CILP: variants seen among roughly 807,000 people sequenced by gnomAD.
The protein encoded by CILP is cartilage intermediate layer protein 1.
Under a neutral mutation model 82.5 loss-of-function variants are expected in CILP, and 75 were observed. The ratio of observed to expected loss-of-function variants is 0.91; its 90% confidence interval spans 0.75 to 1.10. CILP has a LOEUF of 1.10. Ranked by LOEUF, CILP falls within the 50% of genes least tolerant of loss-of-function variation. CILP has a pLI of 0.00. For synonymous variants in CILP, 530 were observed against 580.3 expected (o/e 0.91, Z 1.25); for missense variants, 1,479 against 1,530.8 (o/e 0.97, Z 0.56).
At chr15:65,207,617 G>C in intron 3 of CILP, 55 bp downstream of exon 3, 1 of 1,496,678 alleles carries the variant, frequency 6.7e-7, no homozygotes, top group Non-Finnish European at 9.3e-7. Flanking sequence ...GATCCACTTC[G>C]GAAGCTCGTT....
At chr15:65,208,526 A>G (rs1428834348) in intron 2 of CILP, among the ~76,000 whole-genome samples, 1 of 152,212 alleles carries the variant, frequency 6.6e-6, no homozygotes, top group Non-Finnish European at 1.5e-5. Context: ...ATAGATGGCC[A>G]TTTACTTTCC....
rs760862881 is a variant in CILP at position 65,196,696 on chromosome 15, A to C, written c.*35T>G. On this transcript the variant is annotated 3_prime_UTR_variant, in exon 9 of 9. Transcript: ENST00000261883. ...TCAGTCTCACAATGGCTGTCACATG[A>C]AATGAGGGCAGAAGAGGGTGAAGTA... 2.0e-6 allele frequency: 3 copies of C among 1,483,598 alleles called. No homozygotes were observed. The Admixed American group carries it at 7.0e-5, about 35-fold the overall frequency. 91.9% of individuals were successfully genotyped at this position (1,483,598 alleles called of 1,614,324 possible). A position where few individuals can be genotyped will look rare whatever the true frequency, so the allele number is the denominator to read the frequency against.
intron 1 of CILP, among the ~76,000 whole-genome samples, chr15:65,211,109 C>T (rs775390363): frequency 3.3e-5 from 5 of 152,204 alleles, no homozygotes; most frequent in Non-Finnish European, 5.9e-5. Flanking sequence ...TGCCATCCCA[C>T]GCTCCTCAGA....
chr15:65,203,375 C>T lies in CILP; in HGVS notation c.1015G>A (p.Asp339Asn), dbSNP rs141889573. The T allele has an allele frequency of 1.3e-4, 203 of 1,613,336 alleles. No individual in the cohort carries two copies. The highest frequency in any genetic ancestry group is 1.7e-4 in the Middle Eastern group (1 of 5,754). Residue 339 changes from aspartate (D) to asparagine (N), a missense_variant, in exon 7 of 9, where the codon GAC becomes AAC. Physicochemically the swap from Asp to Asn is conservative, Grantham distance 23 (BLOSUM62 1). Coordinates refer to ENST00000261883, the MANE Select transcript of CILP (RefSeq NM_003613.4). ...CAGAATACGCACCAAAAATACTTGT[C>T]TGGCCTGGGCTTCCCTGTGGCCTTA... is the stretch of plus-strand genomic sequence containing the variant. ...CCKATGKPRP[D>N]KYFWYHNDTL...
Position 65,198,666 on chromosome 15 carries a change from T to A in CILP, c.1620A>T (p.Thr540=). 1 of 1,614,234 alleles carries A rather than the reference T, an allele frequency of 6.2e-7. No individual in the cohort carries two copies. Among genetic ancestry groups the A allele is most frequent in the Non-Finnish European group, 8.5e-7 (1 of 1,180,044 alleles). ...VPQDTERLVL[T]FVDRLQKFVN... Reference sequence around the variant, plus strand: ...CAAACTTCTGCAGCCTGTCCACAAATGTGAGCACCAGCCTCTCAGTGTCCT... The same window carrying A: ...CAAACTTCTGCAGCCTGTCCACAAAAGTGAGCACCAGCCTCTCAGTGTCCT... The change falls in exon 9 of 9, where the codon ACA becomes ACT. Residue 540 remains threonine, a synonymous_variant. Coordinates refer to ENST00000261883, the MANE Select transcript of CILP (RefSeq NM_003613.4).
chr15:65,197,945 C>T lies in CILP; in HGVS notation c.2341G>A (p.Glu781Lys). The T allele has an allele frequency of 6.2e-7, 1 of 1,614,100 alleles. No homozygotes were observed. Reference sequence around the variant, plus strand: ...TTGGACAAGAAGCCAGTTCTAGGCTCCAGGTTAATCACGGAGATCACAACC... The same window carrying T: ...TTGGACAAGAAGCCAGTTCTAGGCTTCAGGTTAATCACGGAGATCACAACC... ...QGVVISVINL[E>K]PRTGFLSNPR... Residue 781 changes from glutamate (E) to lysine (K), a missense_variant, in exon 9 of 9, where the codon GAG becomes AAG. Transcript: ENST00000261883.
intron 6 of CILP, among the ~76,000 whole-genome samples, chr15:65,203,850 A>G (rs183575130): frequency 2.0e-5 from 3 of 152,336 alleles, no homozygotes; most frequent in Admixed American, 1.3e-4. Flanking sequence ...TGAACTTCCC[A>G]AGCCTTTCTC....
chr15:65,200,129 G>A (rs1444916057), intron 8 of CILP, among the ~76,000 whole-genome samples: 5 of 152,120 alleles, frequency 3.3e-5, no homozygotes, highest in African/African-American at 4.8e-5. Flanking sequence ...ATGTGCCAAA[G>A]CATTTAGATA....
At position 65,206,580 on chromosome 15, in the gene CILP, A is replaced by G. The variant is rs78339649; in HGVS notation, c.424+202T>C. On this transcript the variant is annotated intron_variant, in intron 4 of 8. Coordinates refer to ENST00000261883, the MANE Select transcript of CILP (RefSeq NM_003613.4). ...CATAAACACAAAACACTATTGGAAA[A>G]GTTCTGGCATTAATGACACTACTTG... Among the ~76,000 whole-genome samples, 1,032 of 152,320 alleles carry G rather than the reference A, an allele frequency of 6.8e-3. 6 individuals are homozygous for G. The highest frequency in any genetic ancestry group is 0.011 in the East Asian group (58 of 5,180).
chr15:65,208,825 A>G (rs1462826692), intron 2 of CILP, among the ~76,000 whole-genome samples: 1 of 152,040 alleles, frequency 6.6e-6, no homozygotes, highest in Non-Finnish European at 1.5e-5. Context: ...CTTTTAATCA[A>G]CCTAATCTGA....
At position 65,197,881 on chromosome 15, in the gene CILP, C is replaced by A; in HGVS notation, c.2405G>T (p.Gly802Val). ...AWGRFDSVIT[G>V]PNGACVPAFC... is the part of the protein sequence containing the mutation. ...GGCAGGCACACAGGCCCCGTTGGGG[C>A]CTGTGATGACACTGTCAAAGCGGCC... Residue 802 changes from glycine (G) to valine (V), a missense_variant, in exon 9 of 9, where the codon GGC becomes GTC. Transcript: ENST00000261883. 6.2e-7 allele frequency: 1 copy of A among 1,613,768 alleles called. No homozygotes were observed. Among genetic ancestry groups the A allele is most frequent in the Non-Finnish European group, 8.5e-7 (1 of 1,179,948 alleles).
chr15:65,210,119 G>A (rs2088568812), intron 1 of CILP, among the ~76,000 whole-genome samples: 2 of 152,232 alleles, frequency 1.3e-5, no homozygotes, highest in South Asian at 4.2e-4. Flanking sequence ...ACAAGCAGGG[G>A]CGAGGAGGTT....
At position 65,207,684 on chromosome 15, in the gene CILP, C is replaced by T. The variant is rs149776878; in HGVS notation, c.142G>A (p.Asp48Asn). The change falls in exon 3 of 9, where the codon GAC (aspartate) becomes AAC (asparagine). Residue 48 changes from aspartate (D) to asparagine (N), a missense_variant. Coordinates refer to ENST00000261883, the MANE Select transcript of CILP (RefSeq NM_003613.4). ...AGCCACAACTCACTCTCCAGGGTGT[C>T]GGCAGGCTTGGCAAAGATGCTGGGG... is the stretch of plus-strand genomic sequence containing the variant. ...KNPSIFAKPA[D>N]TLESPGEWTT... The T allele has an allele frequency of 1.1e-4, 180 of 1,613,954 alleles. No individual in the cohort carries two copies. Among genetic ancestry groups the T allele is most frequent in the Non-Finnish European group, 1.4e-4 (166 of 1,179,990 alleles).
At position 65,197,584 on chromosome 15, in the gene CILP, G is replaced by T; in HGVS notation, c.2702C>A (p.Ala901Glu). The T allele has an allele frequency of 6.2e-7, 1 of 1,614,230 alleles. No individual in the cohort carries two copies. The highest frequency in any genetic ancestry group is 1.1e-5 in the South Asian group (1 of 91,086). ...GPIYAFENLR[A>E]CEEAPPSAAH... is the part of the protein sequence containing the mutation. Reference sequence around the variant, plus strand: ...TGCACTGGGTGGTGCCTCTTCACATGCCCGGAGGTTCTCAAAGGCATAGAT... The same window carrying T: ...TGCACTGGGTGGTGCCTCTTCACATTCCCGGAGGTTCTCAAAGGCATAGAT... Residue 901 changes from alanine to glutamate, a missense_variant, in exon 9 of 9, where the codon GCA (alanine) becomes GAA (glutamate). By Grantham distance (107) the Ala-to-Glu change is moderately radical. Transcript: ENST00000261883.
At position 65,198,519 on chromosome 15, in the gene CILP, CA is replaced by C; in HGVS notation, c.1766del (p.Leu589ArgfsTer29). The C allele has an allele frequency of 6.2e-7, 1 of 1,614,230 alleles. No homozygotes were observed. Among genetic ancestry groups the C allele is most frequent in the Non-Finnish European group, 8.5e-7 (1 of 1,180,048 alleles). ...LEAMETNIIPLGEVVGEDPMA... is the reference protein window; with the variant it reads ...LEAMETNIIPXGEVVGEDPMA... ...TGGGGTCTTCACCAACCACTTCCCC[CA>C]GGGGGATGATGTTGGTCTCCATGGC... On this transcript the variant is annotated frameshift_variant, in exon 9 of 9. Transcript: ENST00000261883. LOFTEE classifies it high-confidence loss of function.
In CILP at chr15:65,196,882, C is replaced by A; in HGVS notation, c.3404G>T (p.Ser1135Ile). The A allele has an allele frequency of 6.2e-7, 1 of 1,613,818 alleles. No individual in the cohort carries two copies. Among genetic ancestry groups the A allele is most frequent in the East Asian group, 2.2e-5 (1 of 44,884 alleles). Residue 1135 changes from serine to isoleucine, a missense_variant, in exon 9 of 9, where the codon AGC (serine) becomes ATC (isoleucine). Coordinates refer to ENST00000261883, the MANE Select transcript of CILP (RefSeq NM_003613.4). ...TGCAGCAGGGGACTGGGCTGGGGTGCTTTGGAGGTACTGGAAGGCACTCTG... is the reference window on the plus strand; with the variant it reads ...TGCAGCAGGGGACTGGGCTGGGGTGATTTGGAGGTACTGGAAGGCACTCTG... ...GRQSAFQYLQSTPAQSPAAGT... is the reference protein window; with the variant it reads ...GRQSAFQYLQITPAQSPAAGT...
At chr15:65,207,617 G>T in intron 3 of CILP, 55 bp downstream of exon 3, 2 of 1,496,678 alleles carry the variant, frequency 1.3e-6, no homozygotes, top group East Asian at 2.3e-5. Context: ...GATCCACTTC[G>T]GAAGCTCGTT....
chr15:65,205,438 G>T lies in CILP; in HGVS notation c.453C>A (p.Ile151=). 1.2e-6 allele frequency: 2 copies of T among 1,612,256 alleles called. No individual in the cohort carries two copies. The highest frequency in any genetic ancestry group is 2.2e-5 in the South Asian group (2 of 91,036). Residue 151 remains isoleucine, a synonymous_variant, in exon 5 of 9, where the codon ATC becomes ATA. Transcript: ENST00000261883. The part of the protein sequence containing the change: ...PGSLRRDTER[I]WSPWSPWSKC... The stretch of plus-strand genomic sequence containing the variant: ...TGCTCCAGGGAGACCATGGGCTCCA[G>T]ATGCGCTCTGTGTCTCGGCGCAGGG...
rs1243095228 is a variant in CILP at position 65,206,956 on chromosome 15, G to A, written c.250C>T (p.Arg84Cys). The A allele has an allele frequency of 2.5e-6, 4 of 1,613,978 alleles. No individual in the cohort carries two copies. Among genetic ancestry groups the A allele is most frequent in the Non-Finnish European group, 2.5e-6 (3 of 1,179,992 alleles). Reference protein sequence around the residue: ...LDAIRFYYGDRVCARPLRLEA... With the variant: ...LDAIRFYYGDCVCARPLRLEA... ...AGCCGCAGGGGACGGGCACATACAC[G>A]GTCCCCATAGTAGAAGCGAATGGCG... Residue 84 changes from arginine to cysteine, a missense_variant, in exon 4 of 9, where the codon CGT (arginine) becomes TGT (cysteine). Arg to Cys is a radical substitution (Grantham distance 180). Transcript: ENST00000261883.
Sources: allele counts gnomAD v4.1 joint callset (sites outside exome capture counted in the v4.1 genomes callset), GRCh38; gene constraint gnomAD v4.1.1; transcripts MANE v1.5; gene names NCBI Gene and HGNC (gene_info 2026-07-23, HGNC 2026-07-21).